The following SUMF2 variants were observed in gnomAD, a reference collection of about 807,000 sequenced individuals.
The protein encoded by SUMF2 is sulfatase modifying factor 2.
In SUMF2, 45 loss-of-function variants were observed where a neutral mutation model predicts 44.8. That is an observed-to-expected ratio of 1.00 (90% CI 0.79 to 1.29). The LOEUF (loss-of-function observed/expected upper bound fraction) is 1.29. Ranked by LOEUF, SUMF2 falls within the 50% of genes most tolerant of loss-of-function variation. SUMF2 has a pLI of 0.00. For synonymous variants in SUMF2, 148 were observed against 150.4 expected, an observed-to-expected ratio of 0.98 and a Z score of 0.12; for missense variants, 418 against 389.9, an observed-to-expected ratio of 1.07 and a Z score of -0.61.
In SUMF2 at chr7:56,078,170, C is replaced by T. The variant is rs188288810; in HGVS notation, c.660C>T (p.Pro220=). ...GAGTCTCCCCAGTGAATGCTTTCCC[C>T]GCCCAGAACAACTACGGTAAGAGCT... The part of the protein sequence containing the change: ...FHGVSPVNAF[P]AQNNYGLYDL... Residue 220 remains proline (P), a synonymous_variant, in exon 7 of 9, where the codon CCC becomes CCT. Transcript: ENST00000434526. 1.3e-4 allele frequency: 202 copies of T among 1,611,748 alleles called. No individual in the cohort carries two copies. The Admixed American group carries it at 2.5e-3, about 20-fold the overall frequency.
intron 1 of SUMF2, among the ~76,000 whole-genome samples, chr7:56,065,879 G>C (rs1041056560): frequency 1.1e-4 from 17 of 151,902 alleles, no homozygotes; most frequent in Admixed American, 9.8e-4. Flanking sequence ...TCAGGAGTTC[G>C]AGCAGCCTGC....
chr7:56,076,813 G>T, intron 5 of SUMF2, 21 bp from the exon 6 acceptor site: 2 of 1,577,160 alleles, frequency 1.3e-6, no homozygotes. Context: ...CTCCTCTGCT[G>T]CCTCCTTGCT....
At position 56,064,318 on chromosome 7, in the gene SUMF2, C is replaced by G. The variant is rs369214641; in HGVS notation, c.7C>G (p.Arg3Gly). 2 of 1,595,188 alleles carry G rather than the reference C, an allele frequency of 1.3e-6. No homozygotes were observed. The highest frequency in any genetic ancestry group is 1.3e-5 in the African/African-American group (1 of 74,856). MA[R>G]HGLPLLPLLS... ...GCGCAGCGCGGCAGTCCTGATGGCC[C>G]GGCATGGGTTACCGCTGCTGCCCCT... is the stretch of plus-strand genomic sequence containing the variant. The change falls in exon 1 of 9, where the codon CGG becomes GGG. Residue 3 changes from arginine (R) to glycine (G), a missense_variant. Coordinates refer to ENST00000434526, the MANE Select transcript of SUMF2 (RefSeq NM_015411.4).
At chr7:56,069,430 C>T (rs1305832405) in intron 2 of SUMF2, among the ~76,000 whole-genome samples, 1 of 151,504 alleles carries the variant, frequency 6.6e-6, no homozygotes, top group Non-Finnish European at 1.5e-5. Flanking sequence ...ATAGGGAGAC[C>T]CTATCTCTGC....
intron 6 of SUMF2, 56 bp from the exon 7 acceptor site, chr7:56,078,046 T>G: frequency 8.7e-6 from 13 of 1,488,020 alleles, no homozygotes; most frequent in Non-Finnish European, 1.2e-5. Flanking sequence ...TGGATAGGCA[T>G]GAGGACCTGC....
chr7:56,074,698 A>C lies in SUMF2; in HGVS notation c.497A>C (p.Glu166Ala). ...TGGCGGGGAAAACGACTGCCCACGGAGGAAGAGTGGGAGTTTGCCGCCCGA... is the reference window on the plus strand; with the variant it reads ...TGGCGGGGAAAACGACTGCCCACGGCGGAAGAGTGGGAGTTTGCCGCCCGA... ...CAWRGKRLPTEEEWEFAARGG... is the reference protein window; with the variant it reads ...CAWRGKRLPTAEEWEFAARGG... Residue 166 changes from glutamate to alanine, a missense_variant, in exon 5 of 9, where the codon GAG (glutamate) becomes GCG (alanine). By Grantham distance (107) the Glu-to-Ala change is moderately radical. Transcript: ENST00000434526. 1 of 1,614,098 alleles carries C rather than the reference A, an allele frequency of 6.2e-7. No individual in the cohort carries two copies. Among genetic ancestry groups the C allele is most frequent in the Non-Finnish European group, 8.5e-7 (1 of 1,180,016 alleles).
At position 56,079,697 on chromosome 7, in the gene SUMF2, G is replaced by A. The variant is rs537393882; in HGVS notation, c.*85G>A. The A allele has an allele frequency of 2.6e-5, 42 of 1,612,998 alleles. No homozygotes were observed. The East Asian group carries it at 5.1e-4, about 20-fold the overall frequency. ...TTGCAAACAGCGCAATTCCAAGCTC[G>A]AGAGCTTCAGCCTCAGGAAAGAACT... On this transcript the variant is annotated 3_prime_UTR_variant, in exon 9 of 9. Coordinates refer to ENST00000434526, the MANE Select transcript of SUMF2 (RefSeq NM_015411.4).
chr7:56,066,079 T>TCG (rs1794767370), intron 1 of SUMF2, among the ~76,000 whole-genome samples: 1 of 46,820 alleles, frequency 2.1e-5, no homozygotes, highest in Non-Finnish European at 3.4e-5. Context: ...AGGCTCCGCC[T>TCG]CACAAAAAAA....
At chr7:56,066,342 G>A (rs1253276400) in intron 1 of SUMF2, among the ~76,000 whole-genome samples, 1 of 152,174 alleles carries the variant, frequency 6.6e-6, no homozygotes, top group African/African-American at 2.4e-5. Flanking sequence ...CCTAAATCTA[G>A]TCCTGTCTCC....
At chr7:56,076,321 C>G (rs1177826139) in intron 5 of SUMF2, among the ~76,000 whole-genome samples, 4 of 151,990 alleles carry the variant, frequency 2.6e-5, no homozygotes, top group African/African-American at 7.3e-5. Context: ...CCACCATGCC[C>G]TGCATAATTT....
chr7:56,085,108 C>T (rs1796198719), downstream of SUMF2, among the ~76,000 whole-genome samples: 1 of 152,084 alleles, frequency 6.6e-6, no homozygotes, highest in Non-Finnish European at 1.5e-5. Flanking sequence ...TTACAGATAT[C>T]TGTCACCATC....
chr7:56,081,772 G>A, downstream of SUMF2: 1 of 1,592,600 alleles, frequency 6.3e-7, no homozygotes, highest in South Asian at 1.1e-5. The surrounding 1 kb of genome is among the most constrained non-coding windows in gnomAD (Gnocchi z 4.6). Flanking sequence ...GAGGAGGAGA[G>A]GGGAACCGAG....
rs1795411489 is a variant in SUMF2, at chr7:56,074,629, C to G, written c.428C>G (p.Pro143Arg). The change falls in exon 5 of 9, where the codon CCA becomes CGA. Residue 143 changes from proline (P) to arginine (R), a missense_variant. Coordinates refer to ENST00000434526, the MANE Select transcript of SUMF2 (RefSeq NM_015411.4). ...GGCATCCGAGAGAGACTGGAGCACC[C>G]AGTGTTACACGTGAGCTGGAATGAC... Reference protein sequence around the residue: ...GSGIRERLEHPVLHVSWNDAR... With the variant: ...GSGIRERLEHRVLHVSWNDAR... The G allele has an allele frequency of 1.2e-6, 2 of 1,614,090 alleles. No homozygotes were observed. Among genetic ancestry groups the G allele is most frequent in the African/African-American group, 2.7e-5 (2 of 74,940 alleles).
chr7:56,084,359 T>C, downstream of SUMF2: 1 of 561,580 alleles, frequency 1.8e-6, no homozygotes, highest in Non-Finnish European at 3.1e-6. Context: ...CAGAAGGACG[T>C]GAGTATCCCG....
chr7:56,075,959 T>C (rs538570277), intron 5 of SUMF2, among the ~76,000 whole-genome samples: 1 of 151,734 alleles, frequency 6.6e-6, no homozygotes, highest in East Asian at 2.0e-4. Flanking sequence ...GCCTCCCGGG[T>C]TCAAGGGATT....
chr7:56,071,240 AC>A (rs1235872988), intron 2 of SUMF2, among the ~76,000 whole-genome samples: 1 of 152,014 alleles, frequency 6.6e-6, no homozygotes, highest in East Asian at 1.9e-4. Context: ...ACCTGTAGTC[AC>A]AGCTACTTGG....
At position 56,079,733 on chromosome 7, in the gene SUMF2, T is replaced by C. The variant is rs1266258642; in HGVS notation, c.*121T>C. On this transcript the variant is annotated 3_prime_UTR_variant, in exon 9 of 9. Coordinates refer to ENST00000434526, the MANE Select transcript of SUMF2 (RefSeq NM_015411.4). The stretch of plus-strand genomic sequence containing the variant: ...CCTCAGGAAAGAACTTCCCCTTCCC[T>C]GTCTCCCATCCCTCTGTGGCAGGCG... 2 of 1,589,134 alleles carry C rather than the reference T, an allele frequency of 1.3e-6. No individual in the cohort carries two copies. The highest frequency in any genetic ancestry group is 2.7e-5 in the African/African-American group (2 of 74,366).
At chr7:56,082,940 T>C (rs1303424565), downstream of SUMF2, among the ~76,000 whole-genome samples, 1 of 151,988 alleles carries the variant, frequency 6.6e-6, no homozygotes, top group African/African-American at 2.4e-5. Context: ...ACCCTGTCTC[T>C]ACTAAAAATA....
intron 6 of SUMF2, among the ~76,000 whole-genome samples, chr7:56,077,506 A>G (rs1795643010): frequency 6.6e-6 from 1 of 151,326 alleles, no homozygotes. Flanking sequence ...TACAAAAAAT[A>G]AAAGATGAGC....
Sources: allele counts gnomAD v4.1 joint callset (sites outside exome capture counted in the v4.1 genomes callset), GRCh38; gene constraint gnomAD v4.1.1; non-coding constraint Gnocchi (gnomAD v3.1); transcripts MANE v1.5; gene names NCBI Gene and HGNC (gene_info 2026-07-23, HGNC 2026-07-21).